PROX2: variants seen among roughly 807,000 people sequenced by gnomAD.
PROX2 encodes the protein prospero homeobox 2, also known as prospero homeobox protein 2.
In PROX2, 46 loss-of-function variants were observed where a neutral mutation model predicts 48.9. That is an observed-to-expected ratio of 0.94 (90% confidence interval 0.74 to 1.20). The LOEUF (loss-of-function observed/expected upper bound fraction) is 1.20. Among genes scored for constraint, PROX2 ranks in the 50% most tolerant of loss-of-function variants. PROX2 has a pLI of 0.00. For missense variants in PROX2, 663 were observed against 719.4 expected, an observed-to-expected ratio of 0.92 and a Z score of 0.90; for synonymous variants, 260 against 276.6, an observed-to-expected ratio of 0.94 and a Z score of 0.60.
intron 2 of PROX2, among the ~76,000 whole-genome samples, chr14:74,869,866 C>G (rs1471461916): frequency 2.0e-5 from 3 of 151,974 alleles, no homozygotes; most frequent in Non-Finnish European, 4.4e-5. Flanking sequence ...TATTAAGAAA[C>G]TTAAAAATGT....
Position 74,854,977 on chromosome 14 carries a change from G to T in PROX2, c.*155C>A. The T allele has an allele frequency of 2.2e-6, 1 of 451,126 alleles. No homozygotes were observed. Among genetic ancestry groups the T allele is most frequent in the Non-Finnish European group, 3.9e-6 (1 of 256,478 alleles). 27.9% of individuals were successfully genotyped at this position (451,126 alleles called of 1,614,324 possible). On this transcript the variant is annotated 3_prime_UTR_variant, in exon 6 of 6. Coordinates refer to ENST00000556489, the MANE Select transcript of PROX2 (RefSeq NM_001243007.2). The stretch of plus-strand genomic sequence containing the variant: ...TAAATTTCTGATGATTCTGGAAAGG[G>T]AAATAAATGATCAAAATGGTAATAG...
chr14:74,866,537 G>A (rs1207761269), intron 2 of PROX2, among the ~76,000 whole-genome samples: 1 of 152,134 alleles, frequency 6.6e-6, no homozygotes, highest in Non-Finnish European at 1.5e-5. Flanking sequence ...GCGAGGTCCT[G>A]GCAACCAAGT....
chr14:74,858,065 ATT>A (rs1214693238), intron 4 of PROX2: 2 of 184,008 alleles, frequency 1.1e-5, no homozygotes, highest in African/African-American at 4.7e-5. Flanking sequence ...CCTGGCCTAT[ATT>A]TTATTTTTCA....
At chr14:74,875,106 T>C (rs771010105) in intron 1 of PROX2, among the ~76,000 whole-genome samples, 1 of 151,840 alleles carries the variant, frequency 6.6e-6, no homozygotes, top group Non-Finnish European at 1.5e-5. Flanking sequence ...AGACGTGCCA[T>C]TGCACTCCAG....
intron 2 of PROX2, among the ~76,000 whole-genome samples, chr14:74,866,257 C>T (rs1426711321): frequency 3.3e-5 from 5 of 151,784 alleles, no homozygotes; most frequent in East Asian, 1.9e-4. Context: ...GACTCCGTCT[C>T]GAAAAACAAA....
rs764445229 is a variant in PROX2, at chr14:74,863,193, G to A, written c.642C>T (p.Phe214=). 1.2e-6 allele frequency: 2 copies of A among 1,614,056 alleles called. No homozygotes were observed. Among genetic ancestry groups the A allele is most frequent in the Non-Finnish European group, 8.5e-7 (1 of 1,179,892 alleles). The part of the protein sequence containing the change: ...EKHQESEKPS[F]LPSGAPASLE... ...GTGAAGCTGGTGCTCCAGAAGGAAG[G>A]AAACTGGGCTTCTCAGACTCTTGGT... The change falls in exon 3 of 6, where the codon TTC becomes TTT. Residue 214 remains phenylalanine (F), a synonymous_variant. Transcript: ENST00000556489.
At position 74,863,311 on chromosome 14, in the gene PROX2, G is replaced by A. The variant is rs778360967; in HGVS notation, c.524C>T (p.Ala175Val). Residue 175 changes from alanine to valine, a missense_variant, in exon 3 of 6, where the codon GCA (alanine) becomes GTA (valine). Physicochemically the swap from Ala to Val is moderately conservative, Grantham distance 64 (BLOSUM62 0). Transcript: ENST00000556489. The stretch of plus-strand genomic sequence containing the variant: ...AGGCCCACAGCCATTCCCCTGCTTT[G>A]CACTCAGAGGGCCTTTCCCCGTGCC... ...GCGTGKGPLS[A>V]KQGNGCGPRP... 5 of 1,614,038 alleles carry A rather than the reference G, an allele frequency of 3.1e-6. No homozygotes were observed. The East Asian group carries it at 1.1e-4, about 36-fold the overall frequency.
At position 74,862,268 on chromosome 14, in the gene PROX2, C is replaced by G. The variant is rs140557867; in HGVS notation, c.1305+262G>C. Reference sequence around the variant, plus strand: ...CCCAGCTGGAGTGCAGTGGTGCAATCATAGCTCACTGTAACCTCGAACTCC... The same window carrying G: ...CCCAGCTGGAGTGCAGTGGTGCAATGATAGCTCACTGTAACCTCGAACTCC... On this transcript the variant is annotated intron_variant, in intron 3 of 5. Coordinates refer to ENST00000556489, the MANE Select transcript of PROX2 (RefSeq NM_001243007.2). 1.9e-4 allele frequency among the ~76,000 whole-genome samples: 29 copies of G among 152,370 alleles called. 1 individual carries two copies. The highest frequency in any genetic ancestry group is 6.3e-4 in the African/African-American group (26 of 41,588).
At chr14:74,864,707 G>A (rs1301767447) in intron 2 of PROX2, among the ~76,000 whole-genome samples, 1 of 152,258 alleles carries the variant, frequency 6.6e-6, no homozygotes, top group East Asian at 1.9e-4. Flanking sequence ...TGGGCGTGAT[G>A]GCGGGCGCCT....
Position 74,858,524 on chromosome 14 carries a change from T to A in PROX2, c.1306-10A>T. The A allele has an allele frequency of 6.8e-7, 1 of 1,468,462 alleles. No homozygotes were observed. The highest frequency in any genetic ancestry group is 9.4e-7 in the Non-Finnish European group (1 of 1,069,464). 91.0% of individuals were successfully genotyped at this position (1,468,462 alleles called of 1,614,324 possible). On this transcript the variant is annotated splice_polypyrimidine_tract_variant and intron_variant, in intron 3 of 5. Transcript: ENST00000556489. ...TTAGACCCTCCTGGATTTATCTCAG[T>A]GTCAAGGAAAATGAACACTTTAAAA... is the stretch of plus-strand genomic sequence containing the variant.
chr14:74,860,461 G>A (rs1293944629), intron 3 of PROX2, among the ~76,000 whole-genome samples: 1 of 152,088 alleles, frequency 6.6e-6, no homozygotes, highest in Non-Finnish European at 1.5e-5. Context: ...CTAAGTGGTG[G>A]TGGGCACATA....
In PROX2 at chr14:74,858,778, T is replaced by G. The variant is rs984978503; in HGVS notation, c.1306-264A>C. On this transcript the variant is annotated intron_variant, in intron 3 of 5. Transcript: ENST00000556489. ...GATGTCAAATACAGGTTGGTGTATT[T>G]TGTGTGTGTGTGTGTGTGTGTGTGT... is the stretch of plus-strand genomic sequence containing the variant. 6.5e-5 allele frequency: 14 copies of G among 214,440 alleles called. No homozygotes were observed. In the South Asian group the frequency reaches 7.3e-4, roughly 11 times the overall value. The allele number at this position is 214,440 out of a possible 1,614,324, so 13.3% of individuals were successfully genotyped here. A position where few individuals can be genotyped will look rare whatever the true frequency, so the allele number is the denominator to read the frequency against.
At chr14:74,875,510 C>T (rs1883321516) in intron 1 of PROX2, among the ~76,000 whole-genome samples, 2 of 152,224 alleles carry the variant, frequency 1.3e-5, no homozygotes, top group Non-Finnish European at 2.9e-5. Context: ...CTGGGCACTA[C>T]TCCCAGTCAT....
In PROX2 at chr14:74,863,451, C is replaced by G. The variant is rs745876721; in HGVS notation, c.384G>C (p.Gly128=). The G allele has an allele frequency of 1.2e-6, 2 of 1,613,448 alleles. No homozygotes were observed. The highest frequency in any genetic ancestry group is 3.3e-5 in the Admixed American group (2 of 59,968). The change falls in exon 3 of 6, where the codon GGG becomes GGC. Residue 128 remains glycine, a synonymous_variant. Coordinates refer to ENST00000556489, the MANE Select transcript of PROX2 (RefSeq NM_001243007.2). ...GAAGTTGTTCTCTCACACGAGGGCC[C>G]CCCTTCCTGTTGCCCTGGTCCCAGG... The part of the protein sequence containing the change: ...APAWDQGNRK[G]GPRVREQLHL...
rs375166231 is a variant in PROX2 at position 74,863,766 on chromosome 14, C to T, written c.69G>A (p.Thr23=). Residue 23 remains threonine, a synonymous_variant, in exon 3 of 6, where the codon ACG becomes ACA. Coordinates refer to ENST00000556489, the MANE Select transcript of PROX2 (RefSeq NM_001243007.2). The part of the protein sequence containing the change: ...QICSHLAEAC[T]EGERSSSPPE... Reference sequence around the variant, plus strand: ...GAGGGGATGAGCTTCTCTCGCCTTCCGTACAAGCTTCTGCTAGGTGGGAGC... The same window carrying T: ...GAGGGGATGAGCTTCTCTCGCCTTCTGTACAAGCTTCTGCTAGGTGGGAGC... The T allele has an allele frequency of 2.1e-5, 32 of 1,525,670 alleles. No individual in the cohort carries two copies. Among genetic ancestry groups the T allele is most frequent in the South Asian group, 2.0e-4 (15 of 75,204 alleles). The allele number at this position is 1,525,670 out of a possible 1,614,324, so 94.5% of individuals were successfully genotyped here. A position where few individuals can be genotyped will look rare whatever the true frequency, so the allele number is the denominator to read the frequency against.
chr14:74,870,546 A>G (rs1883187408), intron 2 of PROX2, among the ~76,000 whole-genome samples: 2 of 150,410 alleles, frequency 1.3e-5, no homozygotes, highest in East Asian at 1.9e-4. Context: ...TTTTTTCTCT[A>G]TTTTTTCTTT....
In PROX2 at chr14:74,859,611, C is replaced by T. The variant is rs376500620; in HGVS notation, c.1306-1097G>A. On this transcript the variant is annotated intron_variant, in intron 3 of 5. Transcript: ENST00000556489. ...AATGAAAAAAAGATTTACACAAATA[C>T]GCTTTGCATTTTTAGGGACAGTCCT... Among the ~76,000 whole-genome samples, 27 of 152,306 alleles carry T rather than the reference C, an allele frequency of 1.8e-4. No individual in the cohort carries two copies. In the East Asian group the frequency reaches 2.5e-3, roughly 14 times the overall value.
At chr14:74,873,773 C>A in intron 1 of PROX2, 1 of 465,604 alleles carries the variant, frequency 2.1e-6, no homozygotes, top group South Asian at 1.7e-5. Context: ...AACAGTATCC[C>A]ACCAAGCTTC....
rs2091748639 is a variant in PROX2, at chr14:74,856,964, T to A, written c.1445A>T (p.Lys482Met). Residue 482 changes from lysine (K) to methionine (M), a missense_variant, in exon 5 of 6, where the codon AAG (lysine) becomes ATG (methionine). Coordinates refer to ENST00000556489, the MANE Select transcript of PROX2 (RefSeq NM_001243007.2). ...FNRCITSQMI[K>M]WFSNFREFYY... ...AAACTCACGAAAGTTGCTGAACCAC[T>A]TGATCATCTGGGAGGTAATGCAGCG... is the stretch of plus-strand genomic sequence containing the variant. The A allele has an allele frequency of 1.2e-6, 2 of 1,613,896 alleles. No individual in the cohort carries two copies. Among genetic ancestry groups the A allele is most frequent in the Non-Finnish European group, 1.7e-6 (2 of 1,179,900 alleles).
Sources: gnomAD v4.1 joint callset for allele counts (sites outside exome capture counted in the v4.1 genomes callset) on GRCh38, gnomAD v4.1.1 for gene constraint, MANE v1.5 for transcripts, NCBI Gene and HGNC (gene_info 2026-07-23, HGNC 2026-07-21) for gene names.